Variants in KCNH1 observed in about 807,000 individuals in gnomAD.
The protein encoded by KCNH1 is voltage-gated delayed rectifier potassium channel KCNH1.
Under a neutral mutation model 69.2 loss-of-function variants are expected in KCNH1, and 27 were observed. The observed-to-expected ratio is 0.39, with a 90% CI of 0.29 to 0.54. The LOEUF is 0.54. Among genes scored for constraint, KCNH1 ranks in the 20% least tolerant of loss-of-function variants. KCNH1 has a pLI of 0.68. For missense variants in KCNH1, 798 were observed against 1,261.6 expected, an observed-to-expected ratio of 0.63 and a Z score of 5.57; for synonymous variants, 456 against 487.7, an observed-to-expected ratio of 0.93 and a Z score of 0.86.
chr1:210,819,319 G>A (rs1684879984), intron 7 of KCNH1, among the ~76,000 whole-genome samples: 1 of 152,082 alleles, frequency 6.6e-6, no homozygotes, highest in African/African-American at 2.4e-5. Flanking sequence ...GAAGGATAAA[G>A]GAAAAATGTG....
intron 7 of KCNH1, among the ~76,000 whole-genome samples, chr1:210,865,966 T>C (rs553799507): frequency 1.5e-4 from 23 of 152,026 alleles, no homozygotes; most frequent in Non-Finnish European, 2.2e-4. Context: ...ATGTTATAGA[T>C]CAGCTTTAGT....
intron 6 of KCNH1, among the ~76,000 whole-genome samples, chr1:210,966,836 T>C (rs534103274): frequency 1.3e-5 from 2 of 152,126 alleles, no homozygotes; most frequent in Non-Finnish European, 2.9e-5. Flanking sequence ...AAACTAGAAA[T>C]ACCATTTGAC....
At chr1:211,123,493 GGCAGAGACA>G (rs1346159106) in intron 1 of KCNH1, among the ~76,000 whole-genome samples, 1 of 152,146 alleles carries the variant, frequency 6.6e-6, no homozygotes, top group Non-Finnish European at 1.5e-5. Flanking sequence ...GATAGGTGGA[GGCAGAGACA>G]GCAGAGACAG....
At chr1:211,106,464 G>T (rs762100023) in intron 2 of KCNH1, among the ~76,000 whole-genome samples, 2 of 151,682 alleles carry the variant, frequency 1.3e-5, no homozygotes, top group African/African-American at 2.4e-5. Context: ...CAAAATATTG[G>T]TTCTCTCATC....
intron 7 of KCNH1, among the ~76,000 whole-genome samples, chr1:210,865,676 G>A (rs1686092894): frequency 6.6e-6 from 1 of 152,188 alleles, no homozygotes; most frequent in Non-Finnish European, 1.5e-5. Flanking sequence ...CAGATAGAAT[G>A]GAAGCTGGGC....
intron 10 of KCNH1, among the ~76,000 whole-genome samples, chr1:210,718,831 G>T (rs74156046): frequency 0.011 from 1,612 of 151,832 alleles, 24 homozygotes; most frequent in African/African-American, 0.035. Context: ...TGTAGCCCCA[G>T]AGCCAATGAA....
chr1:210,791,751 C>T (rs189895327), intron 9 of KCNH1, among the ~76,000 whole-genome samples: 11 of 152,216 alleles, frequency 7.2e-5, no homozygotes, highest in Non-Finnish European at 4.4e-5. Flanking sequence ...TTTCTTTATA[C>T]CCCCAAAGAG....
chr1:210,933,246 A>G (rs1687711033), intron 6 of KCNH1, among the ~76,000 whole-genome samples: 1 of 152,104 alleles, frequency 6.6e-6, no homozygotes, highest in African/African-American at 2.4e-5. Context: ...CATCATTCTC[A>G]GTAAACTATC....
At chr1:210,707,135 G>A in intron 10 of KCNH1, among the ~76,000 whole-genome samples, 1 of 152,168 alleles carries the variant, frequency 6.6e-6, no homozygotes, top group Non-Finnish European at 1.5e-5. Flanking sequence ...CATATATATT[G>A]TTCCTTGACC....
At chr1:210,798,669 A>T (rs1439064911) in intron 8 of KCNH1, among the ~76,000 whole-genome samples, 1 of 152,226 alleles carries the variant, frequency 6.6e-6, no homozygotes, top group Non-Finnish European at 1.5e-5. Context: ...TAGGGTGTCA[A>T]GAGTCTAGTC....
intron 10 of KCNH1, among the ~76,000 whole-genome samples, chr1:210,704,607 G>A (rs1681862860): frequency 6.6e-6 from 1 of 152,296 alleles, no homozygotes; most frequent in South Asian, 2.1e-4. Flanking sequence ...CATATATGGG[G>A]CAAGTGTCCT....
chr1:210,949,576 C>T lies in KCNH1; in HGVS notation c.1033-29507G>A, dbSNP rs527307503. On this transcript the variant is annotated intron_variant, in intron 6 of 10. Transcript: ENST00000271751. ...TCAAGGGCAGCACCCATGACCTCTG[C>T]TACTTTTCCACCTCCCACAGGTCCT... Among the ~76,000 whole-genome samples the T allele has an allele frequency of 3.6e-4, 55 of 152,198 alleles. 1 individual carries two copies. Among genetic ancestry groups the T allele is most frequent in the Non-Finnish European group, 7.9e-4 (54 of 68,034 alleles).
intron 6 of KCNH1, among the ~76,000 whole-genome samples, chr1:210,984,479 A>T (rs921136131): frequency 1.3e-5 from 2 of 152,376 alleles, no homozygotes; most frequent in Non-Finnish European, 2.9e-5. Context: ...AGATTTTAGC[A>T]TGAAGCGTTG....
In KCNH1 at chr1:210,681,410, C is replaced by T. The variant is rs1681262449; in HGVS notation, c.*1871G>A. ...CAACCTGGAGAAGCCAGGGGCAGCC[C>T]CTGTAAGCCTGATGTGAGAAGCTAC... is the stretch of plus-strand genomic sequence containing the variant. On this transcript the variant is annotated 3_prime_UTR_variant, in exon 11 of 11. Transcript: ENST00000271751. The T allele has an allele frequency of 6.6e-6, 1 of 152,210 alleles. No homozygotes were observed. The highest frequency in any genetic ancestry group is 2.4e-5 in the African/African-American group (1 of 41,438). The allele number at this position is 152,210 out of a possible 1,614,324, so 9.4% of individuals were successfully genotyped here. A position where few individuals can be genotyped will look rare whatever the true frequency, so the allele number is the denominator to read the frequency against.
intron 9 of KCNH1, among the ~76,000 whole-genome samples, chr1:210,777,808 A>G (rs1683891840): frequency 6.6e-6 from 1 of 152,214 alleles, no homozygotes; most frequent in African/African-American, 2.4e-5. Context: ...TGCAACTCAC[A>G]TCAAGAGGTG....
At chr1:210,840,085 ATT>A (rs1195240140) in intron 7 of KCNH1, among the ~76,000 whole-genome samples, 3 of 152,274 alleles carry the variant, frequency 2.0e-5, no homozygotes, top group Non-Finnish European at 4.4e-5. Flanking sequence ...CATGTATTTA[ATT>A]TTCTCAGTCT....
intron 7 of KCNH1, among the ~76,000 whole-genome samples, chr1:210,838,326 C>T (rs945897604): frequency 4.5e-4 from 68 of 152,130 alleles, no homozygotes; most frequent in Non-Finnish European, 4.3e-4. Context: ...TTCCTTACAC[C>T]TTACATAAAA....
chr1:211,029,056 C>T (rs1029709089), intron 5 of KCNH1, among the ~76,000 whole-genome samples: 5 of 150,260 alleles, frequency 3.3e-5, no homozygotes, highest in Admixed American at 1.3e-4. Context: ...TGAGGCCAGG[C>T]ATGGTGGCTC....
intron 9 of KCNH1, among the ~76,000 whole-genome samples, chr1:210,781,403 G>C (rs146747209): frequency 3.3e-5 from 5 of 152,142 alleles, no homozygotes; most frequent in African/African-American, 1.2e-4. Context: ...AGGGTATCAG[G>C]AAGTCCTTTG....
Sources: gnomAD v4.1 joint callset for allele counts (sites outside exome capture counted in the v4.1 genomes callset) on GRCh38, gnomAD v4.1.1 for gene constraint, MANE v1.5 for transcripts, NCBI Gene and HGNC (gene_info 2026-07-23, HGNC 2026-07-21) for gene names.